ABCA13: variants seen among roughly 807,000 people sequenced by gnomAD.
ABCA13 encodes ATP binding cassette subfamily A member 13.
ABCA13 carries 476 observed loss-of-function variants against 478.7 expected under a neutral mutation model. The ratio of observed to expected loss-of-function variants is 0.99; its 90% CI spans 0.92 to 1.07. ABCA13 has a LOEUF of 1.07. Ranked by LOEUF, ABCA13 falls within the 50% of genes least tolerant of loss-of-function variation. The pLI is 0.00. For synonymous variants in ABCA13, 2,252 were observed against 2,158.9 expected (o/e 1.04, Z -1.20); for missense variants, 6,060 against 5,910.6 (o/e 1.03, Z -0.83).
chr7:48,418,003 A>G (rs1489658018), intron 41 of ABCA13, among the ~76,000 whole-genome samples: 2 of 152,102 alleles, frequency 1.3e-5, no homozygotes, highest in Non-Finnish European at 2.9e-5. Context: ...GTGTCTTTTC[A>G]TGGCTTGATA....
chr7:48,540,946 C>T (rs761367714), intron 55 of ABCA13, among the ~76,000 whole-genome samples: 1 of 152,042 alleles, frequency 6.6e-6, no homozygotes, highest in Non-Finnish European at 1.5e-5. Context: ...GTTGTCAAGG[C>T]TGCAGCATGA....
At chr7:48,332,272 C>T (rs1805526516) in intron 27 of ABCA13, among the ~76,000 whole-genome samples, 1 of 152,166 alleles carries the variant, frequency 6.6e-6, no homozygotes, top group Non-Finnish European at 1.5e-5. Flanking sequence ...TTAGGATACC[C>T]ATTCTAAAAA....
At position 48,506,314 on chromosome 7, in the gene ABCA13, C is replaced by G. The variant is rs1414488847; in HGVS notation, c.13292-22C>G. ...CATGCAGGAGCAGGCTGAAGGCTCA[C>G]TTTTCAATTTGTCTTTCACAGGAAT... On this transcript the variant is annotated intron_variant, in intron 48 of 61. Coordinates refer to ENST00000435803, the MANE Select transcript of ABCA13 (RefSeq NM_152701.5). 6 of 1,613,272 alleles carry G rather than the reference C, an allele frequency of 3.7e-6. No individual in the cohort carries two copies. In the South Asian group the frequency reaches 6.6e-5, roughly 18 times the overall value.
intron 45 of ABCA13, among the ~76,000 whole-genome samples, chr7:48,474,565 G>C (rs1477027256): frequency 6.6e-6 from 1 of 152,172 alleles, no homozygotes; most frequent in African/African-American, 2.4e-5. Context: ...GTTTCCTTTG[G>C]TAAGGAGTTT....
intron 3 of ABCA13, among the ~76,000 whole-genome samples, chr7:48,208,572 T>C (rs1310140107): frequency 6.6e-6 from 1 of 152,144 alleles, no homozygotes; most frequent in Non-Finnish European, 1.5e-5. Flanking sequence ...GTAGCTATTA[T>C]AAATGGTATT....
intron 51 of ABCA13, 106 bp from the exon 52 acceptor site, chr7:48,516,619 T>G: frequency 8.9e-7 from 1 of 1,121,772 alleles, no homozygotes; most frequent in Middle Eastern, 2.2e-4. Flanking sequence ...CAGTAATATC[T>G]GCATTTTCAG....
chr7:48,637,387 A>AAAAAAAAAAAAAAAAAAAAAC, intron 59 of ABCA13, among the ~76,000 whole-genome samples: 1 of 143,138 alleles, frequency 7.0e-6, no homozygotes, highest in African/African-American at 2.6e-5. Flanking sequence ...AAAGCAAAAA[A>AAAAAAAAAAAAAAAAAAAAAC]AAAAAAAAAA....
At chr7:48,590,330 GGAGAGAGAGAGAAAGA>G (rs1395226876) in intron 57 of ABCA13, among the ~76,000 whole-genome samples, 1 of 150,978 alleles carries the variant, frequency 6.6e-6, no homozygotes, top group Non-Finnish European at 1.5e-5. Context: ...AAGGAAACAG[GGAGAGAGAGAGAAAGA>G]GAGAGAGAGA....
At chr7:48,629,074 G>A (rs1313531806) in intron 59 of ABCA13, among the ~76,000 whole-genome samples, 1 of 152,150 alleles carries the variant, frequency 6.6e-6, no homozygotes, top group African/African-American at 2.4e-5. Context: ...GCTGCTTTTC[G>A]AAACTGGACT....
In ABCA13 at chr7:48,276,099, T is replaced by G. The variant is rs200207112; in HGVS notation, c.6433T>G (p.Leu2145Val). ...GGATTACTCCAGAATGATAGAAACA[T>G]TATTCATTCCTGTGACCAATGAGAG... Reference protein sequence around the residue: ...NEDYSRMIETLFIPVTNESST... With the variant: ...NEDYSRMIETVFIPVTNESST... Residue 2145 changes from leucine to valine, a missense_variant, in exon 17 of 62, where the codon TTA becomes GTA. Physicochemically the swap from Leu to Val is conservative, Grantham distance 32. Around this residue, in one of 3 missense-constraint regions of ABCA13, gnomAD observed 4,423 missense variants for 4,309.1 expected, o/e 1.03. Coordinates refer to ENST00000435803, the MANE Select transcript of ABCA13 (RefSeq NM_152701.5). 37 of 1,600,406 alleles carry G rather than the reference T, an allele frequency of 2.3e-5. No homozygotes were observed. Among genetic ancestry groups the G allele is most frequent in the African/African-American group, 2.7e-5 (2 of 74,420 alleles).
chr7:48,371,324 A>C (rs1278447885), intron 32 of ABCA13, among the ~76,000 whole-genome samples: 1 of 152,164 alleles, frequency 6.6e-6, no homozygotes, highest in African/African-American at 2.4e-5. Context: ...GAAGAGTGCC[A>C]ATGGTAGTTT....
At chr7:48,215,459 A>T (rs1204035671) in intron 3 of ABCA13, among the ~76,000 whole-genome samples, 1 of 152,224 alleles carries the variant, frequency 6.6e-6, no homozygotes, top group African/African-American at 2.4e-5. Context: ...GATTTAAAAT[A>T]TTTTGTGAGG....
rs536577347 is a variant in ABCA13 at position 48,455,112 on chromosome 7, G to C, written c.12641G>C (p.Arg4214Pro). ...GCACAAGTGGCCGCGATCCTGGCCC[G>C]GAGGCTCCGCCGCACGCTGCGCGCC... The part of the protein sequence containing the change: ...LRAQVAAILA[R>P]RLRRTLRAGK... The change falls in exon 43 of 62, where the codon CGG becomes CCG. Residue 4214 changes from arginine (R) to proline (P), a missense_variant. Transcript: ENST00000435803. The C allele has an allele frequency of 6.4e-7, 1 of 1,558,376 alleles. No individual in the cohort carries two copies. The highest frequency in any genetic ancestry group is 1.2e-5 in the South Asian group (1 of 84,678).
In ABCA13 at chr7:48,554,802, G is replaced by T. The variant is rs139579647; in HGVS notation, c.14355-25422G>T. Among the ~76,000 whole-genome samples the T allele has an allele frequency of 6.8e-5, 10 of 148,134 alleles. No homozygotes were observed. The East Asian group carries it at 2.0e-3, about 29-fold the overall frequency. On this transcript the variant is annotated intron_variant, in intron 55 of 61. Transcript: ENST00000435803. The stretch of plus-strand genomic sequence containing the variant: ...ATTTGAGTTCTTCCTTTCTAGTGTG[G>T]ATGCCCTTTATTATTATTATTTATT...
At chr7:48,468,705 C>T (rs1256346588) in intron 44 of ABCA13, among the ~76,000 whole-genome samples, 1 of 152,162 alleles carries the variant, frequency 6.6e-6, no homozygotes, top group Non-Finnish European at 1.5e-5. Context: ...TGGGCAATCA[C>T]TTGATAATTA....
chr7:48,549,656 G>A (rs543541977), intron 55 of ABCA13, among the ~76,000 whole-genome samples: 2 of 151,812 alleles, frequency 1.3e-5, no homozygotes, highest in African/African-American at 4.8e-5. Flanking sequence ...TTCCACAATG[G>A]TTGAACAAAT....
rs1248054251 is a variant in ABCA13, at chr7:48,403,699, G to T, written c.11890G>T (p.Asp3964Tyr). 1.9e-6 allele frequency: 3 copies of T among 1,613,934 alleles called. No homozygotes were observed. In the South Asian group the frequency reaches 3.3e-5, roughly 18 times the overall value. ...QQVNQTLQDV[D>Y]LTQHQHKQTR... ...TAATTTCAGAACTCTTCAGGATGTG[G>T]ACTTAACTCAGCATCAGCACAAACA... is the stretch of plus-strand genomic sequence containing the variant. Residue 3964 changes from aspartate to tyrosine, a missense_variant, in exon 39 of 62, where the codon GAC becomes TAC. By Grantham distance (160) the Asp-to-Tyr change is radical. Transcript: ENST00000435803.
chr7:48,630,230 G>T (rs1794055693), intron 59 of ABCA13, among the ~76,000 whole-genome samples: 1 of 151,902 alleles, frequency 6.6e-6, no homozygotes, highest in African/African-American at 2.4e-5. Flanking sequence ...CATGTCATGG[G>T]GGTTTGGTGT....
chr7:48,219,317 TAA>T, intron 3 of ABCA13, 35 bp from the exon 4 acceptor site: 1 of 1,564,484 alleles, frequency 6.4e-7, no homozygotes, highest in Non-Finnish European at 8.6e-7. Flanking sequence ...TTATTCTTGT[TAA>T]AGAGTTTCAC....
Sources: gnomAD v4.1 joint callset for allele counts (sites outside exome capture counted in the v4.1 genomes callset) on GRCh38, gnomAD v4.1.1 for gene constraint, gnomAD v4.1.1 regional missense constraint, MANE v1.5 for transcripts, NCBI Gene and HGNC (gene_info 2026-07-23, HGNC 2026-07-21) for gene names.